POLE4: variants seen among roughly 807,000 people sequenced by gnomAD.
POLE4 encodes the protein DNA polymerase epsilon subunit 4.
In POLE4, 15 loss-of-function variants were observed where a neutral mutation model predicts 15.6. The ratio of observed to expected loss-of-function variants is 0.96; its 90% CI spans 0.64 to 1.48. The LOEUF (loss-of-function observed/expected upper bound fraction) is 1.48, where lower values mean the gene tolerates loss of function less well. Ranked by LOEUF, POLE4 falls within the 40% of genes most tolerant of loss-of-function variation. POLE4 has a pLI of 0.00. For missense variants in POLE4, 205 were observed against 151.9 expected (o/e 1.35, Z -1.84); for synonymous variants, 83 against 63.2 (o/e 1.31, Z -1.49).
chr2:74,966,738 A>G (rs1301188134), intron 3 of POLE4, among the ~76,000 whole-genome samples: 4 of 152,072 alleles, frequency 2.6e-5, no homozygotes, highest in Non-Finnish European at 4.4e-5. Context: ...ATTTGTGATC[A>G]TTTTCTTCTT....
chr2:74,964,770 A>G (rs565644675), intron 3 of POLE4, among the ~76,000 whole-genome samples: 2 of 152,100 alleles, frequency 1.3e-5, no homozygotes, highest in African/African-American at 2.4e-5. Flanking sequence ...CTTTAATTAC[A>G]TAGTAGTATA....
intron 3 of POLE4, among the ~76,000 whole-genome samples, chr2:74,965,233 A>G (rs554076545): frequency 3.5e-4 from 53 of 151,824 alleles, no homozygotes; most frequent in African/African-American, 1.2e-3. Flanking sequence ...AGCTGGGATT[A>G]CAGGCTCGCA....
chr2:74,960,200 T>G, intron 3 of POLE4, 54 bp downstream of exon 3: 7 of 1,440,702 alleles, frequency 4.9e-6, no homozygotes, highest in Non-Finnish European at 6.8e-6. Flanking sequence ...CATGTTGATG[T>G]GAAATTCAAA....
intron 3 of POLE4, among the ~76,000 whole-genome samples, chr2:74,965,111 G>A (rs1671277379): frequency 2.7e-5 from 4 of 149,434 alleles, no homozygotes; most frequent in African/African-American, 9.9e-5. Context: ...TTTTTTGGTG[G>A]GGGATGGAGT....
At chr2:74,965,849 A>G (rs1233451463) in intron 3 of POLE4, among the ~76,000 whole-genome samples, 2 of 152,158 alleles carry the variant, frequency 1.3e-5, no homozygotes, top group Non-Finnish European at 1.5e-5. Context: ...CACGGTACGG[A>G]TTTTTGTAAA....
At chr2:74,965,361 AGT>A (rs1228513231) in intron 3 of POLE4, among the ~76,000 whole-genome samples, 1 of 152,124 alleles carries the variant, frequency 6.6e-6, no homozygotes, top group Non-Finnish European at 1.5e-5. Flanking sequence ...AGCCTCCCAA[AGT>A]GTTGGGATTA....
In POLE4 at chr2:74,958,691, G is replaced by A; in HGVS notation, c.12G>A (p.Ala4=). The change falls in exon 1 of 4, where the codon GCG becomes GCA. Residue 4 remains alanine (A), a synonymous_variant. Coordinates refer to ENST00000483063, the MANE Select transcript of POLE4 (RefSeq NM_019896.4). The part of the protein sequence containing the change: MAA[A]AAAGSGTPRE... ...CGCTCAAGGCCGGGATGGCGGCGGCGGCGGCGGCAGGAAGCGGGACGCCCC... is the reference window on the plus strand; with the variant it reads ...CGCTCAAGGCCGGGATGGCGGCGGCAGCGGCGGCAGGAAGCGGGACGCCCC... 6.8e-7 allele frequency: 1 copy of A among 1,468,346 alleles called. No individual in the cohort carries two copies. The highest frequency in any genetic ancestry group is 1.3e-5 in the South Asian group (1 of 74,380). 91.0% of individuals were successfully genotyped at this position (1,468,346 alleles called of 1,614,324 possible). A position where few individuals can be genotyped will look rare whatever the true frequency, so the allele number is the denominator to read the frequency against.
At position 74,970,043 on chromosome 2, in the gene POLE4, A is replaced by G. The variant is rs1204891640; in HGVS notation, c.*621A>G. 1 of 151,706 alleles carries G rather than the reference A, an allele frequency of 6.6e-6. No individual in the cohort carries two copies. Among genetic ancestry groups the G allele is most frequent in the East Asian group, 1.9e-4 (1 of 5,202 alleles). 9.4% of individuals were successfully genotyped at this position (151,706 alleles called of 1,614,324 possible). On this transcript the variant is annotated 3_prime_UTR_variant, in exon 4 of 4. Transcript: ENST00000483063. ...AATTTAAAGTGTACAATTCAGTGGT[A>G]TTTAGTATATTCACAAATATGTACA...
At chr2:74,961,638 G>A (rs559033087) in intron 3 of POLE4, 2 of 152,306 alleles carry the variant, frequency 1.3e-5, no homozygotes, top group African/African-American at 4.8e-5. Flanking sequence ...AAGTGGGGTG[G>A]TCTTATGTAG....
intron 3 of POLE4, among the ~76,000 whole-genome samples, chr2:74,964,546 A>T (rs896705342): frequency 6.6e-6 from 1 of 152,094 alleles, no homozygotes; most frequent in African/African-American, 2.4e-5. Context: ...GTTGTTCTGT[A>T]AGTACTTAAT....
Position 74,958,753 on chromosome 2 carries a change from C to A in POLE4, c.74C>A (p.Ser25Ter). The A allele has an allele frequency of 1.3e-6, 2 of 1,529,784 alleles. No individual in the cohort carries two copies. Among genetic ancestry groups the A allele is most frequent in the Non-Finnish European group, 1.8e-6 (2 of 1,138,550 alleles). 94.8% of individuals were successfully genotyped at this position (1,529,784 alleles called of 1,614,324 possible). ...GGACCTGCTGGGGAGGCAGCGGCCT[C>A]GCAGCCCCAGGCCCCAACGAGTGTG... The part of the protein sequence containing the change: ...EEGPAGEAAA[S>*]QPQAPTSVPG... The change falls in exon 1 of 4, where the codon TCG (serine) becomes TAG (stop). Residue 25 changes from serine to a stop codon, truncating the protein, a stop_gained. Transcript: ENST00000483063. LOFTEE classifies it high-confidence loss of function.
intron 3 of POLE4, among the ~76,000 whole-genome samples, chr2:74,960,863 G>A (rs1392112058): frequency 6.6e-6 from 1 of 152,170 alleles, no homozygotes; most frequent in Non-Finnish European, 1.5e-5. Context: ...ACATCCTAAT[G>A]AAATACATTA....
chr2:74,962,272 T>G (rs571189593), intron 3 of POLE4, among the ~76,000 whole-genome samples: 1 of 152,350 alleles, frequency 6.6e-6, no homozygotes, highest in South Asian at 2.1e-4. Context: ...ATGTATTCCT[T>G]GACTCCCCAG....
chr2:74,959,246 T>G lies in POLE4; in HGVS notation c.214-95T>G, dbSNP rs1009975881. 2.5e-5 allele frequency: 19 copies of G among 749,608 alleles called. No homozygotes were observed. In the African/African-American group the frequency reaches 2.6e-4, roughly 10 times the overall value. The allele number at this position is 749,608 out of a possible 1,614,324, so 46.4% of individuals were successfully genotyped here. ...CAGAACATTTTCTTGCCCCGAGCCT[T>G]TCTTCTCCCTTTCTGCCCCCACCCA... is the stretch of plus-strand genomic sequence containing the variant. On this transcript the variant is annotated intron_variant, in intron 1 of 3. Transcript: ENST00000483063.
intron 3 of POLE4, among the ~76,000 whole-genome samples, chr2:74,961,684 A>G (rs921562323): frequency 3.3e-5 from 5 of 152,174 alleles, no homozygotes; most frequent in Non-Finnish European, 5.9e-5. Context: ...CATAGTGCTT[A>G]GCTTGGATTT....
chr2:74,969,380 G>C (rs769269094), intron 3 of POLE4, 29 bp from the exon 4 acceptor site: 17 of 1,611,952 alleles, frequency 1.1e-5, no homozygotes, highest in African/African-American at 2.7e-5. Context: ...GAGGTCCCCT[G>C]ATATACTCAT....
rs1299923846 is a variant in POLE4, at chr2:74,969,647, T to C, written c.*225T>C. The C allele has an allele frequency of 1.7e-6, 1 of 591,410 alleles. No individual in the cohort carries two copies. Among genetic ancestry groups the C allele is most frequent in the African/African-American group, 1.9e-5 (1 of 54,052 alleles). The allele number at this position is 591,410 out of a possible 1,614,324, so 36.6% of individuals were successfully genotyped here. A position where few individuals can be genotyped will look rare whatever the true frequency, so the allele number is the denominator to read the frequency against. On this transcript the variant is annotated 3_prime_UTR_variant, in exon 4 of 4. Transcript: ENST00000483063. ...TATCAAGCCTGGATGCAGCTGCTGCTGCTTAGAGCAGAGATGAAGAAAGTG... is the reference window on the plus strand; with the variant it reads ...TATCAAGCCTGGATGCAGCTGCTGCCGCTTAGAGCAGAGATGAAGAAAGTG...
chr2:74,966,363 A>G (rs1671296297), intron 3 of POLE4, among the ~76,000 whole-genome samples: 2 of 152,138 alleles, frequency 1.3e-5, no homozygotes, highest in South Asian at 4.1e-4. Flanking sequence ...TCAATGATAT[A>G]TGGATTTAGT....
At chr2:74,960,803 A>T (rs1250125421) in intron 3 of POLE4, among the ~76,000 whole-genome samples, 1 of 152,220 alleles carries the variant, frequency 6.6e-6, no homozygotes, top group Non-Finnish European at 1.5e-5. Flanking sequence ...GTCCCATCAG[A>T]TTATAATGGA....
Sources: gnomAD v4.1 joint callset for allele counts (sites outside exome capture counted in the v4.1 genomes callset) on GRCh38, gnomAD v4.1.1 for gene constraint, MANE v1.5 for transcripts, NCBI Gene and HGNC (gene_info 2026-07-23, HGNC 2026-07-21) for gene names.